The following TOGARAM1 variants were observed in gnomAD, a reference collection of about 807,000 sequenced individuals.
TOGARAM1 encodes the protein TOG array regulator of axonemal microtubules protein 1.
A neutral mutation model predicts 166.6 loss-of-function variants in TOGARAM1; 100 were observed. The ratio of observed to expected loss-of-function variants is 0.60; its 90% CI spans 0.51 to 0.71. TOGARAM1 has a LOEUF of 0.71. Among genes scored for constraint, TOGARAM1 ranks in the 30% least tolerant of loss-of-function variants. TOGARAM1 has a pLI of 0.00. For missense variants in TOGARAM1, 2,029 were observed against 2,102.7 expected (o/e 0.96, Z 0.69); for synonymous variants, 758 against 763.8 (o/e 0.99, Z 0.13).
At chr14:44,978,522 A>C (rs1178738376) in intron 1 of TOGARAM1, among the ~76,000 whole-genome samples, 1 of 152,216 alleles carries the variant, frequency 6.6e-6, no homozygotes. Context: ...AAGAAGATCA[A>C]AACCAGGAGC....
intron 6 of TOGARAM1, among the ~76,000 whole-genome samples, chr14:45,010,799 T>G (rs1348829277): frequency 2.0e-5 from 3 of 152,200 alleles, no homozygotes; most frequent in Non-Finnish European, 2.9e-5. Context: ...GATTTTGTCC[T>G]TAGGTGGGTT....
intron 7 of TOGARAM1, among the ~76,000 whole-genome samples, chr14:45,021,288 T>TG (rs1880486153): frequency 6.6e-6 from 1 of 151,932 alleles, no homozygotes; most frequent in South Asian, 2.1e-4. Context: ...TTACAGCAGT[T>TG]GCGGGGCATA....
intron 3 of TOGARAM1, among the ~76,000 whole-genome samples, chr14:45,000,146 A>T (rs1284283035): frequency 6.6e-6 from 1 of 151,940 alleles, no homozygotes; most frequent in Non-Finnish European, 1.5e-5. Context: ...CTACAGGTAC[A>T]CGCCACCACG....
At chr14:45,053,250 A>G (rs1308064878) in intron 15 of TOGARAM1, among the ~76,000 whole-genome samples, 1 of 152,044 alleles carries the variant, frequency 6.6e-6, no homozygotes, top group Non-Finnish European at 1.5e-5. Context: ...CATGTTGGCC[A>G]GGCTTGTCTT....
intron 1 of TOGARAM1, among the ~76,000 whole-genome samples, chr14:44,966,478 T>A (rs1267563830): frequency 6.6e-6 from 1 of 151,932 alleles, no homozygotes; most frequent in African/African-American, 2.4e-5. Context: ...ATCTCAAAAA[T>A]AATAATAATA....
Position 44,964,043 on chromosome 14 carries a change from T to C in TOGARAM1, c.1622T>C (p.Met541Thr), listed in dbSNP as rs375782448. 3.1e-6 allele frequency: 5 copies of C among 1,614,182 alleles called. No homozygotes were observed. The highest frequency in any genetic ancestry group is 1.6e-4 in the Middle Eastern group (1 of 6,062). ...LEAFAVLASS[M>T]GSGKTSILFK... The stretch of plus-strand genomic sequence containing the variant: ...GCTTTTGCCGTATTGGCATCATCAA[T>C]GGGCTCAGGTAAAACCAGCATCCTT... The change falls in exon 1 of 20, where the codon ATG becomes ACG. Residue 541 changes from methionine to threonine, a missense_variant. This residue lies in a region of TOGARAM1 where 1,453 missense variants were observed against 1,432.2 expected (regional missense o/e 1.01). Coordinates refer to ENST00000361462, the MANE Select transcript of TOGARAM1 (RefSeq NM_001308120.2).
intron 7 of TOGARAM1, among the ~76,000 whole-genome samples, chr14:45,014,517 A>G (rs984760782): frequency 1.3e-5 from 2 of 152,194 alleles, no homozygotes; most frequent in African/African-American, 2.4e-5. Context: ...CGGATTTTAT[A>G]TATTTGGGTT....
At chr14:44,984,733 C>T (rs557622112) in intron 1 of TOGARAM1, among the ~76,000 whole-genome samples, 1 of 151,784 alleles carries the variant, frequency 6.6e-6, no homozygotes, top group African/African-American at 2.4e-5. Flanking sequence ...TATGATCGTG[C>T]CACTGCACTC....
intron 6 of TOGARAM1, among the ~76,000 whole-genome samples, chr14:45,009,749 C>A (rs918885205): frequency 6.6e-6 from 1 of 152,168 alleles, no homozygotes; most frequent in African/African-American, 2.4e-5. Context: ...ACTTCTGTAA[C>A]CTCTACGTCT....
chr14:45,039,450 A>G (rs1881610919), intron 11 of TOGARAM1, among the ~76,000 whole-genome samples: 1 of 152,068 alleles, frequency 6.6e-6, no homozygotes, highest in African/African-American at 2.4e-5. Context: ...GCCTCCTGCC[A>G]CCATCAACCT....
intron 10 of TOGARAM1, 73 bp downstream of exon 10, chr14:45,028,402 G>T: frequency 7.0e-7 from 1 of 1,427,664 alleles, no homozygotes; most frequent in Non-Finnish European, 9.6e-7. Flanking sequence ...AGGTTTCACT[G>T]AGGGTAATAT....
chr14:45,073,734 T>C lies in TOGARAM1; in HGVS notation c.*173T>C, dbSNP rs780223690. On this transcript the variant is annotated 3_prime_UTR_variant, in exon 20 of 20. Coordinates refer to ENST00000361462, the MANE Select transcript of TOGARAM1 (RefSeq NM_001308120.2). ...TGTCCTATATCAACCTTACCACTTATATTCATCACATAAAAACCTAAAATA... is the reference window on the plus strand; with the variant it reads ...TGTCCTATATCAACCTTACCACTTACATTCATCACATAAAAACCTAAAATA... 3 of 517,378 alleles carry C rather than the reference T, an allele frequency of 5.8e-6. No homozygotes were observed. The highest frequency in any genetic ancestry group is 9.9e-6 in the Non-Finnish European group (3 of 302,870). 32.0% of individuals were successfully genotyped at this position (517,378 alleles called of 1,614,324 possible).
At chr14:44,989,908 G>A (rs1003751777) in intron 1 of TOGARAM1, among the ~76,000 whole-genome samples, 11 of 152,322 alleles carry the variant, frequency 7.2e-5, no homozygotes, top group African/African-American at 2.6e-4. Flanking sequence ...AGTGGAAGGA[G>A]AAGAGGCACA....
chr14:45,032,150 A>G, intron 10 of TOGARAM1, 73 bp from the exon 11 acceptor site: 1 of 1,353,316 alleles, frequency 7.4e-7, no homozygotes, highest in East Asian at 2.5e-5. Context: ...ACACAGCGAG[A>G]CTCCATCTCA....
intron 7 of TOGARAM1, among the ~76,000 whole-genome samples, chr14:45,020,473 G>A (rs534358647): frequency 6.6e-6 from 1 of 152,322 alleles, no homozygotes; most frequent in African/African-American, 2.4e-5. Context: ...ACTGAGTAGA[G>A]GTTGTGATAC....
At chr14:44,990,680 A>C (rs1482103682) in intron 1 of TOGARAM1, among the ~76,000 whole-genome samples, 1 of 152,208 alleles carries the variant, frequency 6.6e-6, no homozygotes, top group Non-Finnish European at 1.5e-5. Flanking sequence ...AACAAACTGC[A>C]CACAAAATAG....
intron 11 of TOGARAM1, among the ~76,000 whole-genome samples, chr14:45,033,539 T>A (rs1416335727): frequency 2.0e-5 from 3 of 152,216 alleles, no homozygotes; most frequent in African/African-American, 7.2e-5. Flanking sequence ...ATTAAAAAAA[T>A]CTGATAGAGC....
chr14:44,979,925 T>A (rs1038846830), intron 1 of TOGARAM1, among the ~76,000 whole-genome samples: 8 of 152,106 alleles, frequency 5.3e-5, no homozygotes, highest in African/African-American at 1.9e-4. Flanking sequence ...AGAGTGTGCT[T>A]AGTATGTGAT....
chr14:44,985,935 A>G lies in TOGARAM1; in HGVS notation c.2047-9811A>G, dbSNP rs141008035. 1.6e-4 allele frequency among the ~76,000 whole-genome samples: 24 copies of G among 152,326 alleles called. No individual in the cohort carries two copies. The East Asian group carries it at 4.6e-3, about 29-fold the overall frequency. ...TTAGTCCAAAATCTTAAAGTTAGCTAAGGGTCTGAAAATTACAATAGAAGC... is the reference window on the plus strand; with the variant it reads ...TTAGTCCAAAATCTTAAAGTTAGCTGAGGGTCTGAAAATTACAATAGAAGC... On this transcript the variant is annotated intron_variant, in intron 1 of 19. Coordinates refer to ENST00000361462, the MANE Select transcript of TOGARAM1 (RefSeq NM_001308120.2).
Sources: allele counts gnomAD v4.1 joint callset (sites outside exome capture counted in the v4.1 genomes callset), GRCh38; gene constraint gnomAD v4.1.1; regional missense constraint gnomAD v4.1.1; transcripts MANE v1.5; gene names NCBI Gene and HGNC (gene_info 2026-07-23, HGNC 2026-07-21).